The following CAST variants were observed in gnomAD, a reference collection of about 807,000 sequenced individuals.
CAST encodes the protein calpastatin.
In CAST, 76 loss-of-function variants were observed where a neutral mutation model predicts 119.6. That is an observed-to-expected ratio of 0.64 (90% CI 0.53 to 0.77). The LOEUF is 0.77. Among genes scored for constraint, CAST ranks in the 30% least tolerant of loss-of-function variants. CAST has a pLI of 0.00. For synonymous variants in CAST, 319 were observed against 331.6 expected (o/e 0.96, Z 0.41); for missense variants, 953 against 946.5 (o/e 1.01, Z -0.09).
chr5:96,238,301 TTTCTTCTTC>T, the CAST span, among the ~76,000 whole-genome samples: 4 of 94,888 alleles, frequency 4.2e-5, no homozygotes, highest in African/African-American at 1.6e-4. Flanking sequence ...TGCAAATCTG[TTTCTTCTTC>T]TTCTTCTTCT....
chr5:96,730,766 CCTCA>C lies in CAST; in HGVS notation c.550-11_550-8del. ...ATACTTAGCTCTGTCAACCTTTTAT[CCTCA>C]CTGTCTTAGACTAAACCACAAGACA... On this transcript the variant is annotated splice_polypyrimidine_tract_variant and intron_variant, in intron 8 of 31. Transcript: ENST00000675179. The C allele has an allele frequency of 1.2e-6, 2 of 1,602,706 alleles. No individual in the cohort carries two copies. Among genetic ancestry groups the C allele is most frequent in the Non-Finnish European group, 1.7e-6 (2 of 1,169,590 alleles).
chr5:96,474,740 T>C, the CAST span, among the ~76,000 whole-genome samples: 1 of 152,102 alleles, frequency 6.6e-6, no homozygotes, highest in Non-Finnish European at 1.5e-5. Flanking sequence ...CAGATCCTTC[T>C]GGCTGCATGG....
chr5:96,183,093 C>A, the CAST span, among the ~76,000 whole-genome samples: 3 of 151,048 alleles, frequency 2.0e-5, no homozygotes, highest in Non-Finnish European at 2.9e-5. Context: ...GAGCCGAGAT[C>A]GCGCGCCACT....
At chr5:96,241,653 T>C in the CAST span, among the ~76,000 whole-genome samples, 3 of 142,444 alleles carry the variant, frequency 2.1e-5, no homozygotes, top group Non-Finnish European at 4.7e-5. Flanking sequence ...ACTTCCACAA[T>C]GGTTGAACTA....
chr5:96,106,720 C>G, the CAST span, among the ~76,000 whole-genome samples: 1 of 151,826 alleles, frequency 6.6e-6, no homozygotes, highest in South Asian at 2.1e-4. Context: ...GTGGAGAGTT[C>G]TGTAGATGTC....
chr5:96,479,988 G>A, the CAST span, among the ~76,000 whole-genome samples: 2 of 152,066 alleles, frequency 1.3e-5, no homozygotes, highest in African/African-American at 2.4e-5. Context: ...AGGGGATTCT[G>A]GGTTTATCAA....
chr5:96,709,909 A>G (rs1199604526), intron 3 of CAST, among the ~76,000 whole-genome samples: 2 of 152,332 alleles, frequency 1.3e-5, no homozygotes, highest in Admixed American at 6.5e-5. Flanking sequence ...CAGAATATCT[A>G]CCTATAAAAT....
the CAST span, among the ~76,000 whole-genome samples, chr5:96,480,603 G>A: frequency 6.6e-6 from 1 of 152,156 alleles, no homozygotes; most frequent in Non-Finnish European, 1.5e-5. Context: ...AGTGAGATAT[G>A]GCCTAGAAAT....
intron 25 of CAST, 68 bp downstream of exon 25, chr5:96,762,440 G>T (rs27035): frequency 2.6e-6 from 3 of 1,172,424 alleles, no homozygotes; most frequent in African/African-American, 3.1e-5. Context: ...AAAATAGGGC[G>T]CCTGTTTAAA....
intron 1 of CAST, among the ~76,000 whole-genome samples, chr5:96,613,765 T>A (rs1747405346): frequency 6.6e-6 from 1 of 152,244 alleles, no homozygotes; most frequent in Admixed American, 6.5e-5. Flanking sequence ...CCTCAAACTT[T>A]ATTCTCTATA....
chr5:96,536,834 AT>A (rs34848138), intron 1 of CAST, among the ~76,000 whole-genome samples: 10 of 151,616 alleles, frequency 6.6e-5, no homozygotes, highest in Admixed American at 5.9e-4. Context: ...AACAGTATAA[AT>A]TTTTTTTATA....
At chr5:96,589,949 C>T (rs1746933498) in intron 1 of CAST, among the ~76,000 whole-genome samples, 1 of 152,154 alleles carries the variant, frequency 6.6e-6, no homozygotes, top group Admixed American at 6.5e-5. Flanking sequence ...AAGAAGAACA[C>T]TTTTGAAGTT....
chr5:96,627,701 C>T (rs773664387), intron 1 of CAST, among the ~76,000 whole-genome samples: 3 of 152,210 alleles, frequency 2.0e-5, no homozygotes, highest in Non-Finnish European at 4.4e-5. Flanking sequence ...TGTCTTTACA[C>T]TCTCCTGGAC....
At chr5:96,017,172 G>T in the CAST span, among the ~76,000 whole-genome samples, 1 of 151,992 alleles carries the variant, frequency 6.6e-6, no homozygotes. Flanking sequence ...GTTCTTTCAC[G>T]GCTGGACCTC....
At chr5:96,662,330 TCC>T, upstream of CAST, 1 of 261,310 alleles carries the variant, frequency 3.8e-6, no homozygotes, top group Non-Finnish European at 6.4e-6. Flanking sequence ...GCTCCCTCCC[TCC>T]CTCCCTCTCT....
chr5:96,216,340 A>G, the CAST span, among the ~76,000 whole-genome samples: 1 of 152,306 alleles, frequency 6.6e-6, no homozygotes, highest in South Asian at 2.1e-4. Context: ...TTAACTATAT[A>G]TGAAAAAAAT....
chr5:96,403,041 G>C, the CAST span, among the ~76,000 whole-genome samples: 1 of 152,172 alleles, frequency 6.6e-6, no homozygotes, highest in Non-Finnish European at 1.5e-5. Flanking sequence ...AGTATGTGCA[G>C]GTGCATGTGT....
intron 1 of CAST, among the ~76,000 whole-genome samples, chr5:96,619,940 T>C (rs1231219223): frequency 6.6e-6 from 1 of 152,244 alleles, no homozygotes; most frequent in African/African-American, 2.4e-5. Flanking sequence ...GGCAAGAGGT[T>C]AAATCTCTCC....
the CAST span, among the ~76,000 whole-genome samples, chr5:96,221,931 A>G: frequency 6.6e-6 from 1 of 152,152 alleles, no homozygotes; most frequent in Admixed American, 6.6e-5. Flanking sequence ...GAGGAACAGA[A>G]TAGAGCACCC....
Sources: allele counts gnomAD v4.1 joint callset (sites outside exome capture counted in the v4.1 genomes callset), GRCh38; gene constraint gnomAD v4.1.1; transcripts MANE v1.5; gene names NCBI Gene and HGNC (gene_info 2026-07-23, HGNC 2026-07-21).